The following SRGAP1 variants were observed in gnomAD, a reference collection of about 807,000 sequenced individuals.
The protein encoded by SRGAP1 is SLIT-ROBO Rho GTPase-activating protein 1.
A neutral mutation model predicts 121.9 loss-of-function variants in SRGAP1; 43 were observed. That is an observed-to-expected ratio of 0.35 (90% CI 0.28 to 0.46). The LOEUF is 0.46. Ranked by LOEUF, SRGAP1 falls within the 20% of genes least tolerant of loss-of-function variation. The pLI is 1.00. For missense variants in SRGAP1, 1,102 were observed against 1,350.9 expected (o/e 0.82, Z 2.89); for synonymous variants, 447 against 485.4 (o/e 0.92, Z 1.04).
intron 1 of SRGAP1, among the ~76,000 whole-genome samples, chr12:63,929,041 C>T (rs1592954140): frequency 6.6e-6 from 1 of 151,188 alleles, no homozygotes; most frequent in Admixed American, 6.6e-5. Context: ...TAACAGGCCA[C>T]GGACCAATAC....
chr12:63,944,081 G>C (rs770639952), intron 1 of SRGAP1, among the ~76,000 whole-genome samples: 6 of 152,128 alleles, frequency 3.9e-5, no homozygotes, highest in Admixed American at 1.3e-4. Flanking sequence ...GTCTCATTTG[G>C]TAATGGCCAG....
At chr12:64,132,834 A>G (rs560837888) in intron 21 of SRGAP1, among the ~76,000 whole-genome samples, 4 of 152,402 alleles carry the variant, frequency 2.6e-5, no homozygotes, top group East Asian at 1.9e-4. Context: ...GAGAGTTGCT[A>G]TACCCCTGAG....
intron 12 of SRGAP1, chr12:64,091,970 ATCATTT>A: frequency 6.7e-7 from 1 of 1,489,500 alleles, no homozygotes; most frequent in South Asian, 1.2e-5. Context: ...CACTGTTGGT[ATCATTT>A]TCAAGTCGTG....
intron 4 of SRGAP1, among the ~76,000 whole-genome samples, chr12:64,023,411 T>A (rs1023021033): frequency 2.0e-5 from 3 of 152,132 alleles, no homozygotes; most frequent in Non-Finnish European, 4.4e-5. Flanking sequence ...GTTTAAAGTG[T>A]TAAGCCCGTC....
At chr12:63,979,038 CTTTT>C (rs34235730) in intron 1 of SRGAP1, among the ~76,000 whole-genome samples, 1 of 82,152 alleles carries the variant, frequency 1.2e-5, no homozygotes, top group African/African-American at 4.9e-5. Context: ...ACCCTTTGAC[CTTTT>C]TTTTTTTTTT....
At chr12:64,034,330 C>T (rs190005301) in intron 4 of SRGAP1, among the ~76,000 whole-genome samples, 1 of 152,282 alleles carries the variant, frequency 6.6e-6, no homozygotes, top group Non-Finnish European at 1.5e-5. Context: ...TCACCTTCCA[C>T]CATGATTGTA....
rs2036435088 is a variant in SRGAP1 at position 64,111,876 on chromosome 12, T to C, written c.2034T>C (p.His678=). The C allele has an allele frequency of 2.5e-6, 4 of 1,614,056 alleles. No homozygotes were observed. The highest frequency in any genetic ancestry group is 3.4e-6 in the Non-Finnish European group (4 of 1,179,988). The change falls in exon 17 of 22, where the codon CAT becomes CAC. Residue 678 remains histidine (H), a synonymous_variant. Coordinates refer to ENST00000355086, the MANE Select transcript of SRGAP1 (RefSeq NM_020762.4). ...AGGATCAAGTGTCTTGCCAGGCACA[T>C]GTGAATGAAATTATCAAAACCATCA... The part of the protein sequence containing the change: ...EIQDQVSCQA[H]VNEIIKTIII...
At chr12:63,852,233 C>A (rs573059915) in intron 1 of SRGAP1, among the ~76,000 whole-genome samples, 2 of 152,196 alleles carry the variant, frequency 1.3e-5, no homozygotes, top group African/African-American at 4.8e-5. Flanking sequence ...AAGTGATCCA[C>A]CTGCTTGAGC....
Position 64,161,229 on chromosome 12 carries a change from G to C in SRGAP1, c.*18557G>C, listed in dbSNP as rs551197642. ...TTCAAACTCAATGCATTAAAAACAT[G>C]CTATAGTTTATAAACCTTCTTGGAT... On this transcript the variant is annotated 3_prime_UTR_variant, in exon 22 of 22. Transcript: ENST00000355086. 1.6e-4 allele frequency: 25 copies of C among 152,150 alleles called. No homozygotes were observed. The highest frequency in any genetic ancestry group is 3.2e-4 in the Non-Finnish European group (22 of 68,032). 9.4% of individuals were successfully genotyped at this position (152,150 alleles called of 1,614,324 possible).
chr12:63,926,105 AATAT>A (rs2031251187), intron 1 of SRGAP1, among the ~76,000 whole-genome samples: 1 of 152,170 alleles, frequency 6.6e-6, no homozygotes, highest in African/African-American at 2.4e-5. Context: ...ATGATTGGAT[AATAT>A]ATATTTATAG....
Position 64,146,118 on chromosome 12 carries a change from T to C in SRGAP1, c.*3446T>C, listed in dbSNP as rs1295596497. 1 of 152,164 alleles carries C rather than the reference T, an allele frequency of 6.6e-6. No homozygotes were observed. The highest frequency in any genetic ancestry group is 6.5e-5 in the Admixed American group (1 of 15,286). The allele number at this position is 152,164 out of a possible 1,614,324, so 9.4% of individuals were successfully genotyped here. A position where few individuals can be genotyped will look rare whatever the true frequency, so the allele number is the denominator to read the frequency against. On this transcript the variant is annotated 3_prime_UTR_variant, in exon 22 of 22. Coordinates refer to ENST00000355086, the MANE Select transcript of SRGAP1 (RefSeq NM_020762.4). ...CTTAGTACACATTTTCTAATGGGCG[T>C]TACGTGAACTGTTTGAACCTGCTGA...
At chr12:63,962,063 C>T (rs1220683817) in intron 1 of SRGAP1, among the ~76,000 whole-genome samples, 1 of 152,128 alleles carries the variant, frequency 6.6e-6, no homozygotes, top group Admixed American at 6.5e-5. Context: ...ACATTTTCTC[C>T]CACTGCTTCC....
intron 8 of SRGAP1, among the ~76,000 whole-genome samples, chr12:64,073,364 C>A (rs2035677026): frequency 6.6e-6 from 1 of 152,134 alleles, no homozygotes; most frequent in Non-Finnish European, 1.5e-5. Flanking sequence ...TCTGGTTTCC[C>A]ATATGTAAGA....
intron 1 of SRGAP1, among the ~76,000 whole-genome samples, chr12:63,954,570 C>T (rs1015970680): frequency 4.0e-5 from 6 of 150,264 alleles, no homozygotes; most frequent in Admixed American, 2.0e-4. Context: ...CCCAGCTACT[C>T]GGGAGGCTGA....
intron 6 of SRGAP1, among the ~76,000 whole-genome samples, chr12:64,054,079 A>G (rs576109440): frequency 6.6e-6 from 1 of 152,188 alleles, no homozygotes; most frequent in Non-Finnish European, 1.5e-5. Flanking sequence ...ATAAAATTCT[A>G]TCCGTGCTTT....
At position 64,152,623 on chromosome 12, in the gene SRGAP1, T is replaced by C. The variant is rs1325988243; in HGVS notation, c.*9951T>C. ...AGTTTCAGCCATAGCAAGCTACCTT[T>C]CTTTGAAAATGTGATGCTGTGTGCT... is the stretch of plus-strand genomic sequence containing the variant. On this transcript the variant is annotated 3_prime_UTR_variant, in exon 22 of 22. Coordinates refer to ENST00000355086, the MANE Select transcript of SRGAP1 (RefSeq NM_020762.4). The C allele has an allele frequency of 2.0e-5, 3 of 152,216 alleles. No homozygotes were observed. Among genetic ancestry groups the C allele is most frequent in the Admixed American group, 2.0e-4 (3 of 15,274 alleles). 9.4% of individuals were successfully genotyped at this position (152,216 alleles called of 1,614,324 possible).
At chr12:63,999,063 G>A (rs985814419) in intron 3 of SRGAP1, among the ~76,000 whole-genome samples, 13 of 152,064 alleles carry the variant, frequency 8.5e-5, no homozygotes, top group African/African-American at 3.1e-4. Flanking sequence ...TTGGAGATGA[G>A]GAAAGCTGCA....
In SRGAP1 at chr12:64,145,943, C is replaced by T. The variant is rs904116796; in HGVS notation, c.*3271C>T. 6.6e-6 allele frequency: 1 copy of T among 152,130 alleles called. No homozygotes were observed. The allele number at this position is 152,130 out of a possible 1,614,324, so 9.4% of individuals were successfully genotyped here. On this transcript the variant is annotated 3_prime_UTR_variant, in exon 22 of 22. Transcript: ENST00000355086. ...TAATGGCTCTACAAAGATTACCTGA[C>T]TCCACTGACACAAGAATATGTATTC... is the stretch of plus-strand genomic sequence containing the variant.
intron 4 of SRGAP1, chr12:64,032,523 C>T (rs748804815): frequency 4.1e-6 from 5 of 1,211,250 alleles, no homozygotes; most frequent in Non-Finnish European, 6.1e-6. Flanking sequence ...CAGGCCTGGG[C>T]CAGCACAGAG....
Sources: allele counts gnomAD v4.1 joint callset (sites outside exome capture counted in the v4.1 genomes callset), GRCh38; gene constraint gnomAD v4.1.1; transcripts MANE v1.5; gene names NCBI Gene and HGNC (gene_info 2026-07-23, HGNC 2026-07-21).